The following ANK3 variants were observed in gnomAD, a reference collection of about 807,000 sequenced individuals.
ANK3 encodes ankyrin 3.
A neutral mutation model predicts 370.9 loss-of-function variants in ANK3; 57 were observed. That is an observed-to-expected ratio of 0.15 (90% CI 0.12 to 0.19). ANK3 has a LOEUF of 0.19. Among genes scored for constraint, ANK3 ranks in the 10% least tolerant of loss-of-function variants. The probability of loss-of-function intolerance (pLI) is 1.00; values close to 1 mark genes in which losing one functional copy is unlikely to be tolerated. For missense variants in ANK3, 4,439 were observed against 5,302.1 expected (o/e 0.84, Z 5.06); for synonymous variants, 1,929 against 1,946.3 (o/e 0.99, Z 0.23).
At chr10:60,289,660 A>C (rs952887017) in intron 1 of ANK3, among the ~76,000 whole-genome samples, 2 of 152,030 alleles carry the variant, frequency 1.3e-5, no homozygotes, top group African/African-American at 4.8e-5. Flanking sequence ...CAGCCTCCCA[A>C]AGTGCTGATG....
intron 2 of ANK3, among the ~76,000 whole-genome samples, chr10:60,503,918 G>A (rs1446163382): frequency 1.3e-5 from 2 of 152,072 alleles, no homozygotes; most frequent in African/African-American, 4.8e-5. Flanking sequence ...CAAGTAATGT[G>A]ATACCTTGAT....
intron 2 of ANK3, among the ~76,000 whole-genome samples, chr10:60,611,378 C>T (rs1194816684): frequency 6.6e-6 from 1 of 152,166 alleles, no homozygotes; most frequent in Non-Finnish European, 1.5e-5. Context: ...AGTGCTCGCA[C>T]TTCTGAACCT....
intron 2 of ANK3, among the ~76,000 whole-genome samples, chr10:60,461,926 A>G (rs2064894273): frequency 6.6e-6 from 1 of 152,202 alleles, no homozygotes; most frequent in Non-Finnish European, 1.5e-5. Flanking sequence ...AGTTCTGTAC[A>G]ATGCTGCTTA....
chr10:60,537,676 A>G (rs1466106456), intron 2 of ANK3, among the ~76,000 whole-genome samples: 1 of 152,050 alleles, frequency 6.6e-6, no homozygotes, highest in East Asian at 1.9e-4. Flanking sequence ...TAATTTCTGT[A>G]TCATAAAAAT....
At chr10:60,504,998 GTA>G (rs1217207349) in intron 2 of ANK3, among the ~76,000 whole-genome samples, 1 of 152,034 alleles carries the variant, frequency 6.6e-6, no homozygotes. Context: ...GAATATTGTT[GTA>G]GTTATCTAAA....
At chr10:60,670,262 C>T (rs1019915361) in intron 1 of ANK3, among the ~76,000 whole-genome samples, 3 of 152,056 alleles carry the variant, frequency 2.0e-5, no homozygotes, top group South Asian at 2.1e-4. Context: ...TGCCTAAAAT[C>T]GACCTCCTAA....
chr10:60,392,309 G>A (rs1178660185), upstream of ANK3, among the ~76,000 whole-genome samples: 1 of 152,192 alleles, frequency 6.6e-6, no homozygotes, highest in Non-Finnish European at 1.5e-5. Context: ...CTTGACTAAA[G>A]TTTTATCAAA....
At chr10:60,468,994 TG>T in intron 2 of ANK3, among the ~76,000 whole-genome samples, 1 of 35,114 alleles carries the variant, frequency 2.8e-5, no homozygotes, top group Non-Finnish European at 5.5e-5. Flanking sequence ...CCACTTTTAG[TG>T]TGTATATATA....
At chr10:60,685,927 G>A (rs2079261585) in intron 1 of ANK3, among the ~76,000 whole-genome samples, 1 of 152,092 alleles carries the variant, frequency 6.6e-6, no homozygotes, top group South Asian at 2.1e-4. Context: ...AAAAAATACA[G>A]AACAAAATAA....
intron 1 of ANK3, among the ~76,000 whole-genome samples, chr10:60,332,711 A>G (rs996400293): frequency 2.0e-5 from 3 of 152,200 alleles, no homozygotes; most frequent in Non-Finnish European, 4.4e-5. Context: ...AGAGCACCCT[A>G]TTCTAATTTC....
At chr10:60,350,877 T>C (rs2132696119) in intron 1 of ANK3, among the ~76,000 whole-genome samples, 1 of 152,184 alleles carries the variant, frequency 6.6e-6, no homozygotes, top group African/African-American at 2.4e-5. Context: ...TGCCCTTTGA[T>C]ACTTCCCAGG....
At chr10:60,065,206 C>T (rs1429574859) in intron 38 of ANK3, among the ~76,000 whole-genome samples, 1 of 152,134 alleles carries the variant, frequency 6.6e-6, no homozygotes, top group Non-Finnish European at 1.5e-5. Context: ...CTCAGATATA[C>T]TCATATTCAA....
rs1235076996 is a variant in ANK3 at position 60,074,990 on chromosome 10, T to G, written c.5891A>C (p.Lys1964Thr). 6 of 1,614,026 alleles carry G rather than the reference T, an allele frequency of 3.7e-6. No homozygotes were observed. In the East Asian group the frequency reaches 1.3e-4, roughly 36 times the overall value. The change falls in exon 37 of 44, where the codon AAG becomes ACG. Residue 1964 changes from lysine (K) to threonine (T), a missense_variant. Around this residue, in one of 13 missense-constraint regions of ANK3, gnomAD observed 679 missense variants for 791.0 expected, o/e 0.86. Transcript: ENST00000280772. ...DLVKVSEILKKDVCVDNKGSP... is the reference protein window; with the variant it reads ...DLVKVSEILKTDVCVDNKGSP... ...TCCTTTATTATCTACACATACATCCTTTTTAAGGATTTCACTAACTTTCAC... is the reference window on the plus strand; with the variant it reads ...TCCTTTATTATCTACACATACATCCGTTTTAAGGATTTCACTAACTTTCAC...
At chr10:60,332,555 A>G (rs1307566744) in intron 1 of ANK3, among the ~76,000 whole-genome samples, 1 of 152,206 alleles carries the variant, frequency 6.6e-6, no homozygotes, top group Non-Finnish European at 1.5e-5. Context: ...TGAGAGGGAC[A>G]CATGGAGGGG....
chr10:60,501,945 C>A (rs1351838801), intron 2 of ANK3, among the ~76,000 whole-genome samples: 1 of 152,112 alleles, frequency 6.6e-6, no homozygotes, highest in African/African-American at 2.4e-5. Context: ...ATGATTGCAC[C>A]ACTGCACTCT....
At chr10:60,436,491 T>A (rs374163909) in intron 2 of ANK3, among the ~76,000 whole-genome samples, 7 of 152,342 alleles carry the variant, frequency 4.6e-5, no homozygotes, top group African/African-American at 1.7e-4. Flanking sequence ...GCCTTTTTTA[T>A]AGTTATTCTA....
chr10:60,337,701 C>T (rs190991433), intron 1 of ANK3, among the ~76,000 whole-genome samples: 60 of 152,212 alleles, frequency 3.9e-4, no homozygotes, highest in African/African-American at 1.3e-3. Context: ...TCCATTAAGC[C>T]CCCTAATATA....
chr10:60,352,930 G>A (rs1465216419), intron 1 of ANK3, among the ~76,000 whole-genome samples: 1 of 152,058 alleles, frequency 6.6e-6, no homozygotes, highest in Non-Finnish European at 1.5e-5. Context: ...AAAAAGGGAT[G>A]GAGAAAGAGA....
intron 1 of ANK3, among the ~76,000 whole-genome samples, chr10:60,694,832 G>C (rs571676485): frequency 6.7e-6 from 1 of 150,032 alleles, no homozygotes; most frequent in East Asian, 2.0e-4. Flanking sequence ...GGAAGAAACT[G>C]CATCAACTAA....
Sources: gnomAD v4.1 joint callset for allele counts (sites outside exome capture counted in the v4.1 genomes callset) on GRCh38, gnomAD v4.1.1 for gene constraint, gnomAD v4.1.1 regional missense constraint, MANE v1.5 for transcripts, NCBI Gene and HGNC (gene_info 2026-07-23, HGNC 2026-07-21) for gene names.